NEGR1: variants seen among roughly 807,000 people sequenced by gnomAD.
NEGR1 encodes IgLON family member 4.
In NEGR1, 10 loss-of-function variants were observed where a neutral mutation model predicts 40.9. That is an observed-to-expected ratio of 0.24 (90% CI 0.15 to 0.42). The LOEUF (loss-of-function observed/expected upper bound fraction) is 0.42. Ranked by LOEUF, NEGR1 falls within the 10% of genes least tolerant of loss-of-function variation. The probability of loss-of-function intolerance (pLI) is 1.00; values close to 1 mark genes in which losing one functional copy is unlikely to be tolerated. For missense variants in NEGR1, 352 were observed against 438.9 expected, an observed-to-expected ratio of 0.80 and a Z score of 1.77; for synonymous variants, 185 against 166.8, an observed-to-expected ratio of 1.11 and a Z score of -0.84.
At chr1:71,868,530 T>C (rs1028759244) in intron 2 of NEGR1, among the ~76,000 whole-genome samples, 2 of 152,114 alleles carry the variant, frequency 1.3e-5, no homozygotes, top group Admixed American at 1.3e-4. Context: ...ATTTATATTA[T>C]ATAAATACTT....
At chr1:71,904,303 A>G (rs1192169565) in intron 2 of NEGR1, among the ~76,000 whole-genome samples, 2 of 152,064 alleles carry the variant, frequency 1.3e-5, no homozygotes, top group African/African-American at 4.8e-5. Flanking sequence ...ATAAAATGCC[A>G]TTATTAATAA....
chr1:71,902,502 G>A (rs1012523822), intron 2 of NEGR1, among the ~76,000 whole-genome samples: 3 of 152,164 alleles, frequency 2.0e-5, no homozygotes, highest in Non-Finnish European at 4.4e-5. Flanking sequence ...CATTGTATTT[G>A]TGGTAACTGT....
chr1:72,278,764 C>T (rs1656148516), intron 1 of NEGR1, among the ~76,000 whole-genome samples: 1 of 151,824 alleles, frequency 6.6e-6, no homozygotes, highest in Non-Finnish European at 1.5e-5. Flanking sequence ...TAAATGTCTC[C>T]ATACAAGATT....
intron 1 of NEGR1, among the ~76,000 whole-genome samples, chr1:71,992,079 G>A (rs1488362014): frequency 6.6e-6 from 1 of 152,042 alleles, no homozygotes; most frequent in Non-Finnish European, 1.5e-5. Flanking sequence ...ACAGGTGTGA[G>A]CCGCTGTGCC....
intron 5 of NEGR1, among the ~76,000 whole-genome samples, chr1:71,607,081 CA>C (rs1348701803): frequency 6.6e-6 from 1 of 151,880 alleles, no homozygotes; most frequent in Admixed American, 6.5e-5. Flanking sequence ...AGCCTCAAAT[CA>C]AAAAAGGTCT....
At chr1:71,496,963 G>A (rs1022930100) in intron 6 of NEGR1, among the ~76,000 whole-genome samples, 43 of 152,190 alleles carry the variant, frequency 2.8e-4, no homozygotes, top group African/African-American at 1.0e-3. Context: ...TCAAAATAAT[G>A]CGTTAGGTTT....
intron 2 of NEGR1, among the ~76,000 whole-genome samples, chr1:71,848,130 TAC>T (rs1659483581): frequency 6.6e-6 from 1 of 152,106 alleles, no homozygotes; most frequent in Non-Finnish European, 1.5e-5. Flanking sequence ...GTGAGGAAGC[TAC>T]AGAGAAAAAA....
intron 4 of NEGR1, 49 bp from the exon 5 acceptor site, chr1:71,611,195 C>T: frequency 6.5e-7 from 1 of 1,545,578 alleles, no homozygotes; most frequent in Non-Finnish European, 8.9e-7. Context: ...TAAAAATAAT[C>T]CTCAACAGAA....
intron 4 of NEGR1, among the ~76,000 whole-genome samples, chr1:71,631,848 T>C (rs1167719411): frequency 6.6e-6 from 1 of 151,780 alleles, no homozygotes; most frequent in Non-Finnish European, 1.5e-5. Context: ...AGAAAGATTT[T>C]TTTGAAAAAT....
At chr1:71,487,123 G>A (rs1233757448) in intron 6 of NEGR1, 1 of 151,592 alleles carries the variant, frequency 6.6e-6, no homozygotes, top group Non-Finnish European at 1.5e-5. Context: ...GATATATCCA[G>A]TCTTCTTTTT....
chr1:71,798,829 C>T (rs1382504301), intron 2 of NEGR1, among the ~76,000 whole-genome samples: 2 of 152,092 alleles, frequency 1.3e-5, no homozygotes, highest in Non-Finnish European at 2.9e-5. Context: ...GTGTTGATAC[C>T]TTATCCCAAT....
chr1:71,949,316 C>G (rs990903317), intron 1 of NEGR1, among the ~76,000 whole-genome samples: 2 of 152,050 alleles, frequency 1.3e-5, no homozygotes, highest in African/African-American at 4.8e-5. Flanking sequence ...TGTAATGGAC[C>G]CTCCCTAAGG....
At chr1:72,072,548 T>G (rs1393689086) in intron 1 of NEGR1, among the ~76,000 whole-genome samples, 3 of 152,106 alleles carry the variant, frequency 2.0e-5, no homozygotes, top group Non-Finnish European at 4.4e-5. Flanking sequence ...GGGTGAACAG[T>G]TTCACAAACA....
chr1:71,468,362 A>G (rs941992901), intron 6 of NEGR1: 2 of 151,954 alleles, frequency 1.3e-5, no homozygotes, highest in African/African-American at 4.8e-5. Flanking sequence ...TTTAGACCTT[A>G]TCAACCTTGG....
At chr1:72,191,232 T>C (rs1279024711) in intron 1 of NEGR1, among the ~76,000 whole-genome samples, 1 of 151,780 alleles carries the variant, frequency 6.6e-6, no homozygotes, top group African/African-American at 2.4e-5. Flanking sequence ...TAGAGTATTA[T>C]TAAATATGTA....
At chr1:72,013,242 A>G (rs1487403285) in intron 1 of NEGR1, among the ~76,000 whole-genome samples, 1 of 152,084 alleles carries the variant, frequency 6.6e-6, no homozygotes, top group Non-Finnish European at 1.5e-5. Flanking sequence ...GAAAAAATCC[A>G]TCCAGATGTG....
At chr1:72,272,277 T>C (rs1296996764) in intron 1 of NEGR1, among the ~76,000 whole-genome samples, 1 of 151,800 alleles carries the variant, frequency 6.6e-6, no homozygotes, top group East Asian at 1.9e-4. Flanking sequence ...TCTACTCTGA[T>C]TCTTTCACTC....
intron 1 of NEGR1, among the ~76,000 whole-genome samples, chr1:72,142,877 A>G (rs1382771111): frequency 6.6e-6 from 1 of 151,962 alleles, no homozygotes; most frequent in Non-Finnish European, 1.5e-5. Flanking sequence ...TGTATCTAAT[A>G]CATTCAAATT....
chr1:72,046,849 G>T (rs950899649), intron 1 of NEGR1, among the ~76,000 whole-genome samples: 1 of 151,546 alleles, frequency 6.6e-6, no homozygotes, highest in African/African-American at 2.4e-5. Context: ...ACACAGATAA[G>T]ATGATCAAAA....
Sources: gnomAD v4.1 joint callset for allele counts (sites outside exome capture counted in the v4.1 genomes callset) on GRCh38, gnomAD v4.1.1 for gene constraint, MANE v1.5 for transcripts, NCBI Gene and HGNC (gene_info 2026-07-23, HGNC 2026-07-21) for gene names.